The following AMPH variants were observed in gnomAD, a reference collection of about 807,000 sequenced individuals.
AMPH encodes the protein amphiphysin.
A neutral mutation model predicts 99.1 loss-of-function variants in AMPH; 49 were observed. That is an observed-to-expected ratio of 0.49 (90% CI 0.39 to 0.63). The LOEUF (loss-of-function observed/expected upper bound fraction) is 0.63, where lower values mean the gene tolerates loss of function less well. Ranked by LOEUF, AMPH falls within the 20% of genes least tolerant of loss-of-function variation. The pLI is 0.00. For missense variants in AMPH, 759 were observed against 863.4 expected (o/e 0.88, Z 1.52); for synonymous variants, 314 against 317.3 (o/e 0.99, Z 0.11).
intron 16 of AMPH, among the ~76,000 whole-genome samples, chr7:38,420,362 C>G (rs140510583): frequency 6.6e-6 from 1 of 152,154 alleles, no homozygotes; most frequent in Non-Finnish European, 1.5e-5. Flanking sequence ...GGGAATTGTG[C>G]CCTACCTTCA....
At chr7:38,405,228 G>T (rs1784950419) in intron 17 of AMPH, among the ~76,000 whole-genome samples, 1 of 152,160 alleles carries the variant, frequency 6.6e-6, no homozygotes, top group Non-Finnish European at 1.5e-5. Context: ...AACATGGAAG[G>T]GGAAGGATGA....
intron 1 of AMPH, among the ~76,000 whole-genome samples, chr7:38,616,308 G>A (rs564225313): frequency 1.3e-5 from 2 of 152,288 alleles, no homozygotes; most frequent in East Asian, 3.9e-4. Context: ...CCATGGGGAT[G>A]CAGGAGTGAA....
At chr7:38,554,716 G>A (rs2129047017) in intron 1 of AMPH, among the ~76,000 whole-genome samples, 1 of 152,312 alleles carries the variant, frequency 6.6e-6, no homozygotes, top group South Asian at 2.1e-4. Context: ...ATGCATTGCT[G>A]AGCTAGCAGA....
chr7:38,434,488 C>T (rs1786178296), intron 12 of AMPH, among the ~76,000 whole-genome samples: 1 of 152,084 alleles, frequency 6.6e-6, no homozygotes, highest in Non-Finnish European at 1.5e-5. Flanking sequence ...GCCTGTAATC[C>T]CAGCACTTTG....
chr7:38,428,944 T>C, intron 14 of AMPH: 11 of 1,178,390 alleles, frequency 9.3e-6, no homozygotes, highest in Non-Finnish European at 1.1e-5. Flanking sequence ...TGGTCTTCCT[T>C]TCCTATGGTA....
intron 1 of AMPH, among the ~76,000 whole-genome samples, chr7:38,570,904 G>A (rs75515302): frequency 0.015 from 1,247 of 83,914 alleles, 29 homozygotes; most frequent in African/African-American, 0.057. Flanking sequence ...ATGTGTGTGC[G>A]TCTCAGTTTT....
At chr7:38,626,495 C>G (rs1485148382) in intron 1 of AMPH, among the ~76,000 whole-genome samples, 1 of 152,164 alleles carries the variant, frequency 6.6e-6, no homozygotes, top group African/African-American at 2.4e-5. Context: ...TAGCCATATG[C>G]AGAAAACAGA....
chr7:38,514,055 A>G (rs1438937283), intron 2 of AMPH, among the ~76,000 whole-genome samples: 1 of 152,116 alleles, frequency 6.6e-6, no homozygotes, highest in Non-Finnish European at 1.5e-5. Flanking sequence ...TGCTCTGCTT[A>G]TTCTTGCCTT....
At chr7:38,503,550 A>G in intron 3 of AMPH, 100 bp downstream of exon 3, 1 of 1,192,358 alleles carries the variant, frequency 8.4e-7, no homozygotes, top group Non-Finnish European at 1.2e-6. Flanking sequence ...TCTTGCCAGG[A>G]AGCCAAATGG....
intron 1 of AMPH, among the ~76,000 whole-genome samples, chr7:38,619,708 T>C (rs1422837793): frequency 1.3e-5 from 2 of 152,200 alleles, no homozygotes; most frequent in Admixed American, 6.5e-5. Flanking sequence ...TCACTGTCTA[T>C]GCTTAACAGG....
At chr7:38,532,916 T>C (rs1437498746) in intron 2 of AMPH, among the ~76,000 whole-genome samples, 3 of 152,174 alleles carry the variant, frequency 2.0e-5, no homozygotes, top group South Asian at 2.1e-4. Flanking sequence ...ATTAGCTCCA[T>C]GGGGACATGC....
chr7:38,586,351 G>A (rs1022624800), intron 1 of AMPH, among the ~76,000 whole-genome samples: 1 of 152,164 alleles, frequency 6.6e-6, no homozygotes, highest in African/African-American at 2.4e-5. Flanking sequence ...CAAGCCTTCT[G>A]TCAGAACTAC....
intron 13 of AMPH, among the ~76,000 whole-genome samples, chr7:38,431,462 C>T (rs533283733): frequency 9.9e-5 from 15 of 152,046 alleles, no homozygotes; most frequent in Non-Finnish European, 1.9e-4. Context: ...TCGAGACCAT[C>T]CTGGCTAACA....
At chr7:38,467,615 C>T (rs913838862) in intron 7 of AMPH, among the ~76,000 whole-genome samples, 3 of 148,478 alleles carry the variant, frequency 2.0e-5, no homozygotes, top group Non-Finnish European at 4.4e-5. Flanking sequence ...AGAGGGGCTG[C>T]TCTATTTATA....
At chr7:38,406,730 C>CT (rs1491100030) in intron 17 of AMPH, among the ~76,000 whole-genome samples, 13,365 of 61,022 alleles carry the variant, frequency 0.22, 1,795 homozygotes, top group East Asian at 0.28. Flanking sequence ...CTCTCCCTTT[C>CT]CCTCTCTCTC....
In AMPH at chr7:38,561,652, T is replaced by C. The variant is rs1022213830; in HGVS notation, c.70-26641A>G. On this transcript the variant is annotated intron_variant, in intron 1 of 20. Transcript: ENST00000356264. ...AAGGAGGGTGCTGAGAACTGAATGT[T>C]TGTGTCCCAGCGAAATTCATATGTT... Among the ~76,000 whole-genome samples the C allele has an allele frequency of 5.3e-5, 8 of 152,324 alleles. No homozygotes were observed. In the East Asian group the frequency reaches 1.5e-3, roughly 29 times the overall value.
In AMPH at chr7:38,465,507, G is replaced by T. The variant is rs756052300; in HGVS notation, c.709C>A (p.Gln237Lys). Residue 237 changes from glutamine (Q) to lysine (K), a missense_variant, in exon 9 of 21, where the codon CAG becomes AAG. This residue lies in a region of AMPH where 554 missense variants were observed against 575.6 expected (regional missense o/e 0.96). Transcript: ENST00000356264. ...ATGGTGAAGGCCTTGTCGGCGTGCT[G>T]GTCACCCAGTTTTGTCATCACTTCA... Reference protein sequence around the residue: ...LYEVMTKLGDQHADKAFTIQG... With the variant: ...LYEVMTKLGDKHADKAFTIQG... The T allele has an allele frequency of 2.0e-5, 32 of 1,585,740 alleles. No homozygotes were observed. Among genetic ancestry groups the T allele is most frequent in the Non-Finnish European group, 2.5e-5 (29 of 1,164,390 alleles).
chr7:38,583,815 T>C (rs567124944), intron 1 of AMPH, among the ~76,000 whole-genome samples: 1 of 152,366 alleles, frequency 6.6e-6, no homozygotes, highest in South Asian at 2.1e-4. Flanking sequence ...CAGAAGCCCC[T>C]GCACTGCTTA....
chr7:38,512,681 G>C (rs1789583726), intron 2 of AMPH, among the ~76,000 whole-genome samples: 1 of 152,180 alleles, frequency 6.6e-6, no homozygotes, highest in Non-Finnish European at 1.5e-5. Flanking sequence ...ACTGGGGACA[G>C]GCTTCATAGG....
Sources: gnomAD v4.1 joint callset for allele counts (sites outside exome capture counted in the v4.1 genomes callset) on GRCh38, gnomAD v4.1.1 for gene constraint, gnomAD v4.1.1 regional missense constraint, MANE v1.5 for transcripts, NCBI Gene and HGNC (gene_info 2026-07-23, HGNC 2026-07-21) for gene names.